Variants in HAO2 observed in about 807,000 individuals in gnomAD.
HAO2 encodes the protein 2-Hydroxyacid oxidase 2.
A neutral mutation model predicts 37.4 loss-of-function variants in HAO2; 42 were observed. That is an observed-to-expected ratio of 1.12 (90% CI 0.88 to 1.45). The LOEUF is 1.45. Ranked by LOEUF, HAO2 falls within the 40% of genes most tolerant of loss-of-function variation. The pLI is 0.00. For missense variants in HAO2, 476 were observed against 430.2 expected (o/e 1.11, Z -0.94); for synonymous variants, 180 against 162.8 (o/e 1.11, Z -0.81).
rs777138906 is a variant in HAO2 at position 119,382,994 on chromosome 1, G to A, written c.211G>A (p.Ala71Thr). 73 of 1,612,376 alleles carry A rather than the reference G, an allele frequency of 4.5e-5. 1 individual carries two copies. The highest frequency in any genetic ancestry group is 3.3e-4 in the Middle Eastern group (2 of 6,082). ...CACAATCCAAGGGGAGGAGATCAGT[G>A]CCCCTATTTGTATCGCACCCACAGG... ...RTTIQGEEIS[A>T]PICIAPTGFH... Residue 71 changes from alanine to threonine, a missense_variant, in exon 3 of 8, where the codon GCC (alanine) becomes ACC (threonine). Physicochemically the swap from Ala to Thr is moderately conservative, Grantham distance 58. Coordinates refer to ENST00000325945, the MANE Select transcript of HAO2 (RefSeq NM_016527.4).
intron 5 of HAO2, among the ~76,000 whole-genome samples, chr1:119,387,098 AT>A (rs1650452966): frequency 6.6e-6 from 1 of 152,154 alleles, no homozygotes; most frequent in Non-Finnish European, 1.5e-5. Context: ...TGATTTGCAA[AT>A]GGGGATACTG....
rs1398526734 is a variant in HAO2 at position 119,381,079 on chromosome 1, T to C, written c.-7T>C. 2 of 1,613,332 alleles carry C rather than the reference T, an allele frequency of 1.2e-6. No individual in the cohort carries two copies. Among genetic ancestry groups the C allele is most frequent in the Non-Finnish European group, 1.7e-6 (2 of 1,179,258 alleles). ...TTGGTTTTGTTTTCTCCTTGGAAGGTCCAGAAATGTCCTTGGTGTGTTTGA... is the reference window on the plus strand; with the variant it reads ...TTGGTTTTGTTTTCTCCTTGGAAGGCCCAGAAATGTCCTTGGTGTGTTTGA... On this transcript the variant is annotated splice_region_variant and 5_prime_UTR_variant, in exon 2 of 8. Coordinates refer to ENST00000325945, the MANE Select transcript of HAO2 (RefSeq NM_016527.4).
At chr1:119,376,936 C>A (rs1041386071) in intron 1 of HAO2, among the ~76,000 whole-genome samples, 1 of 152,162 alleles carries the variant, frequency 6.6e-6, no homozygotes, top group Non-Finnish European at 1.5e-5. Flanking sequence ...GTCTGATATG[C>A]CCTGGAATCA....
chr1:119,383,029 C>A lies in HAO2; in HGVS notation c.246C>A (p.Cys82Ter), dbSNP rs199612283. ...PICIAPTGFHCLVWPDGEMST... is the reference protein window; with the variant it reads ...PICIAPTGFH The stretch of plus-strand genomic sequence containing the variant: ...GTATCGCACCCACAGGGTTCCACTG[C>A]CTTGTCTGGCCTGATGGGGAAATGA... Residue 82 changes from cysteine to a stop codon, truncating the protein, a stop_gained, in exon 3 of 8, where the codon TGC becomes TGA. Transcript: ENST00000325945. LOFTEE classifies it high-confidence loss of function. 6.2e-7 allele frequency: 1 copy of A among 1,613,036 alleles called. No individual in the cohort carries two copies. Among genetic ancestry groups the A allele is most frequent in the East Asian group, 2.2e-5 (1 of 44,710 alleles).
intron 1 of HAO2, among the ~76,000 whole-genome samples, chr1:119,377,332 T>G (rs1430824407): frequency 6.6e-6 from 1 of 152,168 alleles, no homozygotes; most frequent in Admixed American, 6.5e-5. Context: ...TCATTCTAGT[T>G]GCCAACAAGT....
intron 4 of HAO2, 82 bp from the exon 5 acceptor site, chr1:119,386,540 T>C: frequency 1.2e-6 from 1 of 850,660 alleles, no homozygotes; most frequent in Non-Finnish European, 2.0e-6. Flanking sequence ...AAATGGCAGC[T>C]CTCTAAATGT....
intron 2 of HAO2, 22 bp downstream of exon 2, chr1:119,381,238 C>A: frequency 6.3e-7 from 1 of 1,592,348 alleles, no homozygotes; most frequent in Non-Finnish European, 8.6e-7. Flanking sequence ...TGTAGCCTGT[C>A]TATTGTTAGG....
Position 119,392,146 on chromosome 1 carries a change from G to C in HAO2, c.808G>C (p.Gly270Arg). 1 of 1,613,338 alleles carries C rather than the reference G, an allele frequency of 6.2e-7. No homozygotes were observed. The highest frequency in any genetic ancestry group is 8.5e-7 in the Non-Finnish European group (1 of 1,179,502). The part of the protein sequence containing the change: ...ALTEVVAAVK[G>R]KIEVYLDGGV... ...GACAGAAGTGGTGGCTGCTGTAAAGGGGAAAATTGAAGTCTACCTGGATGG... is the reference window on the plus strand; with the variant it reads ...GACAGAAGTGGTGGCTGCTGTAAAGCGGAAAATTGAAGTCTACCTGGATGG... The change falls in exon 6 of 8, where the codon GGG becomes CGG. Residue 270 changes from glycine (G) to arginine (R), a missense_variant. Transcript: ENST00000325945.
chr1:119,380,189 G>T (rs1649804474), intron 1 of HAO2, among the ~76,000 whole-genome samples: 1 of 152,128 alleles, frequency 6.6e-6, no homozygotes, highest in Admixed American at 6.6e-5. Context: ...AGTGTCTTCA[G>T]CGTCTCTGCT....
rs1478297747 is a variant in HAO2, at chr1:119,384,966, T to C, written c.474T>C (p.Asp158=). 2.5e-6 allele frequency: 4 copies of C among 1,613,410 alleles called. No homozygotes were observed. Among genetic ancestry groups the C allele is most frequent in the Middle Eastern group, 3.3e-4 (2 of 6,080 alleles). ...LGFKALVITL[D]TPVCGNRRHD... ...TCAAAGCTTTGGTAATAACTTTGGATACACCTGTATGTGGCAACAGGCGAC... is the reference window on the plus strand; with the variant it reads ...TCAAAGCTTTGGTAATAACTTTGGACACACCTGTATGTGGCAACAGGCGAC... Residue 158 remains aspartate (D), a synonymous_variant, in exon 4 of 8, where the codon GAT becomes GAC. Coordinates refer to ENST00000325945, the MANE Select transcript of HAO2 (RefSeq NM_016527.4).
At chr1:119,389,156 A>G (rs199723129) in intron 5 of HAO2, among the ~76,000 whole-genome samples, 1 of 77,960 alleles carries the variant, frequency 1.3e-5, no homozygotes, top group Admixed American at 1.4e-4. Context: ...ATATATATAT[A>G]TATATATATA....
At chr1:119,379,588 A>G (rs1445610156) in intron 1 of HAO2, among the ~76,000 whole-genome samples, 1 of 152,222 alleles carries the variant, frequency 6.6e-6, no homozygotes, top group African/African-American at 2.4e-5. Flanking sequence ...GAGCTAAATT[A>G]GATATGGTTG....
chr1:119,381,354 G>T, intron 2 of HAO2, 138 bp downstream of exon 2: 1 of 701,292 alleles, frequency 1.4e-6, no homozygotes, highest in Non-Finnish European at 2.5e-6. Flanking sequence ...TTTTGTTGTT[G>T]TTTTGGTTTG....
At position 119,371,984 on chromosome 1, in the gene HAO2, C is replaced by T. The variant is rs1397792655; in HGVS notation, c.-9+3082C>T. On this transcript the variant is annotated intron_variant, in intron 1 of 7. Transcript: ENST00000325945. ...ACTATGTTCAACGCTCTATGGACAGCACACAGTTTACAATATGGCTGGGTT... is the reference window on the plus strand; with the variant it reads ...ACTATGTTCAACGCTCTATGGACAGTACACAGTTTACAATATGGCTGGGTT... Among the ~76,000 whole-genome samples the T allele has an allele frequency of 2.0e-5, 3 of 152,164 alleles. No individual in the cohort carries two copies. The East Asian group carries it at 5.8e-4, about 29-fold the overall frequency.
intron 6 of HAO2, 97 bp downstream of exon 6, chr1:119,392,365 A>T: frequency 9.3e-7 from 1 of 1,072,288 alleles, no homozygotes; most frequent in Non-Finnish European, 1.4e-6. Flanking sequence ...ACATTTTCAA[A>T]ATGATTCCTA....
intron 5 of HAO2, among the ~76,000 whole-genome samples, chr1:119,390,876 G>A (rs587721164): frequency 6.6e-6 from 1 of 152,226 alleles, no homozygotes; most frequent in East Asian, 1.9e-4. Flanking sequence ...GTGGGACACT[G>A]ACCTCAGGCA....
In HAO2 at chr1:119,381,069, C is replaced by A; in HGVS notation, c.-8-9C>A. ...TGGGTTTGGTTTGGTTTTGTTTTCT[C>A]CTTGGAAGGTCCAGAAATGTCCTTG... On this transcript the variant is annotated splice_polypyrimidine_tract_variant and intron_variant, in intron 1 of 7. Coordinates refer to ENST00000325945, the MANE Select transcript of HAO2 (RefSeq NM_016527.4). 1 of 1,612,766 alleles carries A rather than the reference C, an allele frequency of 6.2e-7. No homozygotes were observed. The highest frequency in any genetic ancestry group is 8.5e-7 in the Non-Finnish European group (1 of 1,178,864).
chr1:119,381,486 G>C (rs1649939004), intron 2 of HAO2, among the ~76,000 whole-genome samples: 1 of 152,176 alleles, frequency 6.6e-6, no homozygotes, highest in South Asian at 2.1e-4. Flanking sequence ...GATAGAACAA[G>C]AGTCCCAGAA....
At chr1:119,392,503 G>A in intron 6 of HAO2, 115 bp from the exon 7 acceptor site, 1 of 811,998 alleles carries the variant, frequency 1.2e-6, no homozygotes, top group Non-Finnish European at 2.2e-6. Context: ...TCACTTCACA[G>A]ATAATCCCCA....
Sources: gnomAD v4.1 joint callset for allele counts (sites outside exome capture counted in the v4.1 genomes callset) on GRCh38, gnomAD v4.1.1 for gene constraint, MANE v1.5 for transcripts, NCBI Gene and HGNC (gene_info 2026-07-23, HGNC 2026-07-21) for gene names.